Variants in DAB1 observed in about 807,000 individuals in gnomAD.
DAB1 encodes the protein DAB adaptor protein 1.
In DAB1, 15 loss-of-function variants were observed where a neutral mutation model predicts 64.6. The ratio of observed to expected loss-of-function variants is 0.23; its 90% CI spans 0.16 to 0.36. The LOEUF is 0.36. Among genes scored for constraint, DAB1 ranks in the 10% least tolerant of loss-of-function variants. DAB1 has a pLI of 1.00. For missense variants in DAB1, 596 were observed against 706.7 expected (o/e 0.84, Z 1.78); for synonymous variants, 235 against 251.9 (o/e 0.93, Z 0.64).
chr1:57,932,280 T>C (rs1452531170), intron 5 of DAB1, among the ~76,000 whole-genome samples: 1 of 152,238 alleles, frequency 6.6e-6, no homozygotes, highest in Non-Finnish European at 1.5e-5. Flanking sequence ...AAATGTTTTA[T>C]GTGAACTTGA....
chr1:58,192,283 A>G (rs886321205), intron 4 of DAB1, among the ~76,000 whole-genome samples: 3 of 152,168 alleles, frequency 2.0e-5, no homozygotes, highest in African/African-American at 7.2e-5. Flanking sequence ...TTAATTTTAT[A>G]TATTTAGGGG....
intron 2 of DAB1, among the ~76,000 whole-genome samples, chr1:57,170,143 C>T (rs1661601668): frequency 1.3e-5 from 2 of 151,902 alleles, no homozygotes; most frequent in African/African-American, 2.4e-5. Flanking sequence ...CTTACAGGTG[C>T]ATGCCACCAC....
intron 4 of DAB1, among the ~76,000 whole-genome samples, chr1:58,249,269 C>T (rs1294544065): frequency 6.6e-6 from 1 of 151,908 alleles, no homozygotes; most frequent in Non-Finnish European, 1.5e-5. Flanking sequence ...TCTTAAATTC[C>T]CAGAAATTCC....
chr1:58,011,834 G>A (rs1646672573), intron 5 of DAB1, among the ~76,000 whole-genome samples: 1 of 152,076 alleles, frequency 6.6e-6, no homozygotes, highest in African/African-American at 2.4e-5. Context: ...GGGATTATGG[G>A]CATCTGCCAC....
chr1:58,154,276 G>A (rs781043085), intron 4 of DAB1, among the ~76,000 whole-genome samples: 7 of 152,130 alleles, frequency 4.6e-5, no homozygotes, highest in African/African-American at 9.6e-5. Context: ...AAAAAGACTC[G>A]TTAGAAAAAC....
chr1:57,552,214 C>G (rs1644922328), intron 7 of DAB1, among the ~76,000 whole-genome samples: 1 of 152,198 alleles, frequency 6.6e-6, no homozygotes, highest in Non-Finnish European at 1.5e-5. Flanking sequence ...AAGTTCCTTT[C>G]ATGAGTCATT....
intron 1 of DAB1, among the ~76,000 whole-genome samples, chr1:57,857,833 G>A (rs1653822850): frequency 7.1e-6 from 1 of 141,756 alleles, no homozygotes; most frequent in Admixed American, 7.2e-5. Context: ...TTATCAGTAT[G>A]GAATCATAGA....
chr1:58,473,539 C>T (rs1219165242), intron 3 of DAB1, among the ~76,000 whole-genome samples: 80 of 127,732 alleles, frequency 6.3e-4, no homozygotes, highest in Non-Finnish European at 4.9e-5. Context: ...AAGACTCCGT[C>T]TCAAAAAAAT....
At chr1:58,443,232 T>C (rs1645032088) in intron 3 of DAB1, among the ~76,000 whole-genome samples, 1 of 152,224 alleles carries the variant, frequency 6.6e-6, no homozygotes, top group African/African-American at 2.4e-5. Flanking sequence ...AGCAGATAAT[T>C]TGTGCTTCTT....
intron 3 of DAB1, chr1:58,468,958 CA>C (rs1330753685): frequency 4.1e-6 from 1 of 244,116 alleles, no homozygotes; most frequent in East Asian, 1.8e-4. Context: ...AGAGATGAAG[CA>C]GAAACATTCC....
intron 6 of DAB1, among the ~76,000 whole-genome samples, chr1:57,795,324 A>G (rs1368905273): frequency 6.6e-6 from 1 of 152,168 alleles, no homozygotes; most frequent in African/African-American, 2.4e-5. Flanking sequence ...TTTGAGCACT[A>G]GAACTCTTTT....
intron 11 of DAB1, among the ~76,000 whole-genome samples, chr1:57,018,575 G>C (rs536943972): frequency 6.5e-4 from 99 of 152,120 alleles, no homozygotes; most frequent in Admixed American, 1.6e-3. Context: ...TAATAAGAAG[G>C]GGGTGCTGGG....
chr1:57,494,418 C>T (rs983328971), intron 7 of DAB1, among the ~76,000 whole-genome samples: 45 of 152,336 alleles, frequency 3.0e-4, no homozygotes, highest in African/African-American at 9.4e-4. Flanking sequence ...AAAGAATCCC[C>T]AGCTACATAA....
chr1:58,176,280 G>C (rs2100775726), intron 4 of DAB1, among the ~76,000 whole-genome samples: 1 of 152,216 alleles, frequency 6.6e-6, no homozygotes, highest in Middle Eastern at 3.4e-3. Flanking sequence ...CTGGCAAAAA[G>C]TCTATAATTT....
At chr1:57,427,961 A>G (rs1685352088), upstream of DAB1, among the ~76,000 whole-genome samples, 1 of 152,136 alleles carries the variant, frequency 6.6e-6, no homozygotes, top group Admixed American at 6.5e-5. Flanking sequence ...TGAGGTCAGG[A>G]GTTTGAGACC....
chr1:58,172,630 T>A (rs1367323648), intron 4 of DAB1, among the ~76,000 whole-genome samples: 3 of 152,224 alleles, frequency 2.0e-5, no homozygotes, highest in Non-Finnish European at 4.4e-5. Flanking sequence ...CCGCCCGAGA[T>A]GATCTCTTAG....
At chr1:58,381,149 G>A (rs945499647) in intron 3 of DAB1, among the ~76,000 whole-genome samples, 3 of 152,164 alleles carry the variant, frequency 2.0e-5, no homozygotes, top group African/African-American at 4.8e-5. Context: ...TGTCTCAGGG[G>A]GAAAAGTGGG....
chr1:58,175,798 GTTC>G (rs1656437656), intron 4 of DAB1, among the ~76,000 whole-genome samples: 1 of 152,184 alleles, frequency 6.6e-6, no homozygotes, highest in Admixed American at 6.5e-5. Flanking sequence ...AATGGCAGTA[GTTC>G]TTCTGGTTCC....
At chr1:58,045,017 TA>T (rs1263093130) in intron 5 of DAB1, among the ~76,000 whole-genome samples, 1 of 152,238 alleles carries the variant, frequency 6.6e-6, no homozygotes, top group African/African-American at 2.4e-5. Flanking sequence ...TTTTTTCTAC[TA>T]TACAGAATGG....
Sources: gnomAD v4.1 joint callset for allele counts (sites outside exome capture counted in the v4.1 genomes callset) on GRCh38, gnomAD v4.1.1 for gene constraint, MANE v1.5 for transcripts, NCBI Gene and HGNC (gene_info 2026-07-23, HGNC 2026-07-21) for gene names.